GPAT2: variants seen among roughly 807,000 people sequenced by gnomAD.
GPAT2 encodes the protein glycerol-3-phosphate acyltransferase 2, mitochondrial.
A neutral mutation model predicts 71.0 loss-of-function variants in GPAT2; 51 were observed. The observed-to-expected ratio is 0.72, with a 90% CI of 0.57 to 0.91. GPAT2 has a LOEUF of 0.91. Among genes scored for constraint, GPAT2 ranks in the 40% least tolerant of loss-of-function variants. The probability of loss-of-function intolerance (pLI) is 0.00; values close to 1 mark genes in which losing one functional copy is unlikely to be tolerated. For missense variants in GPAT2, 511 were observed against 666.0 expected (o/e 0.77, Z 2.56); for synonymous variants, 222 against 290.3 (o/e 0.76, Z 2.39).
At chr2:96,024,962 G>T (rs1680232946) in intron 13 of GPAT2, 119 bp from the exon 14 acceptor site, 2 of 1,146,332 alleles carry the variant, frequency 1.7e-6, no homozygotes, top group Admixed American at 3.5e-5. Flanking sequence ...GATGAGGAAC[G>T]TACACCCGGA....
At position 96,032,068 on chromosome 2, in the gene GPAT2, C is replaced by T. The variant is rs200043110; in HGVS notation, c.142G>A (p.Gly48Ser). The part of the protein sequence containing the change: ...PFLGKYRPFV[G>S]RCCQTCTPKS... ...GGGGTGCAGGTCTGGCAACAGCGAC[C>T]CACAAAGGGGCGATACTTCCCCAGG... is the stretch of plus-strand genomic sequence containing the variant. The change falls in exon 3 of 22, where the codon GGT becomes AGT. Residue 48 changes from glycine (G) to serine (S), a missense_variant. Physicochemically the swap from Gly to Ser is moderately conservative, Grantham distance 56. Transcript: ENST00000434632. 1.6e-3 allele frequency: 2,516 copies of T among 1,541,954 alleles called. No individual in the cohort carries two copies. In the South Asian group the frequency reaches 0.026, roughly 16 times the overall value.
rs1680130569 is a variant in GPAT2, at chr2:96,024,460, G to T, written c.1654C>A (p.Leu552Met). ...LTHLAQLSAE[L>M]LPVFLSEAVG... ...GCCTCGCTCAGGAAGACGGGCAGCA[G>T]CTCAGCACTCAGTTGTGCCAGGTGT... The change falls in exon 15 of 22, where the codon CTG becomes ATG. Residue 552 changes from leucine to methionine, a missense_variant. Leu to Met is a conservative substitution (Grantham distance 15, BLOSUM62 2). This residue lies in a region of GPAT2 where 295 missense variants were observed against 305.5 expected (regional missense o/e 0.97). Coordinates refer to ENST00000434632, the MANE Select transcript of GPAT2 (RefSeq NM_001321527.2). 1.9e-6 allele frequency: 3 copies of T among 1,613,864 alleles called. No homozygotes were observed. Among genetic ancestry groups the T allele is most frequent in the Non-Finnish European group, 2.5e-6 (3 of 1,179,958 alleles).
chr2:96,024,706 T>C (rs760265461), intron 14 of GPAT2, 21 bp from the exon 15 acceptor site: 2 of 1,613,578 alleles, frequency 1.2e-6, no homozygotes, highest in South Asian at 1.1e-5. Context: ...AGAGCAGGGC[T>C]AGGCAGCAGG....
At position 96,025,429 on chromosome 2, in the gene GPAT2, G is replaced by T; in HGVS notation, c.1357+56C>A. The T allele has an allele frequency of 3.9e-6, 6 of 1,549,426 alleles. No homozygotes were observed. The South Asian group carries it at 7.3e-5, about 19-fold the overall frequency. ...AGAACCCTGGTGACTGGCTGACCCC[G>T]AGAGGGGACGGTTCAGTGACCCACC... On this transcript the variant is annotated intron_variant, in intron 13 of 21. Coordinates refer to ENST00000434632, the MANE Select transcript of GPAT2 (RefSeq NM_001321527.2).
intron 17 of GPAT2, 112 bp downstream of exon 17, chr2:96,023,811 C>T: frequency 6.7e-7 from 1 of 1,495,790 alleles, no homozygotes; most frequent in East Asian, 2.5e-5. Context: ...GCTGCCCACC[C>T]CCACAGCACA....
At chr2:96,025,297 T>A in intron 13 of GPAT2, 188 bp downstream of exon 13, 1 of 778,442 alleles carries the variant, frequency 1.3e-6, no homozygotes, top group Non-Finnish European at 2.0e-6. Context: ...AGCTGCTCCC[T>A]TATGATGGCC....
chr2:96,025,691 G>A, intron 12 of GPAT2, 88 bp from the exon 13 acceptor site: 6 of 1,404,182 alleles, frequency 4.3e-6, no homozygotes, highest in Non-Finnish European at 5.8e-6. Flanking sequence ...AGGTGAGGGT[G>A]TTTCCCCCTC....
rs747008111 is a variant in GPAT2 at position 96,022,217 on chromosome 2, G to A, written c.2348C>T (p.Ala783Val). The change falls in exon 22 of 22, where the codon GCC becomes GTC. Residue 783 changes from alanine (A) to valine (V), a missense_variant. Around this residue, in one of 7 missense-constraint regions of GPAT2, gnomAD observed 108 missense variants for 117.6 expected, o/e 0.92. Transcript: ENST00000434632. ...GPRLHLSPTF[A>V]SLDNQEKLEQ... ...TAGTTTTTCCTGATTGTCCAGGCTG[G>A]CAAAAGTAGGGGACAGGTGGAGCCT... The A allele has an allele frequency of 1.2e-6, 2 of 1,610,722 alleles. No homozygotes were observed. Among genetic ancestry groups the A allele is most frequent in the South Asian group, 2.2e-5 (2 of 90,598 alleles).
chr2:96,023,122 G>C lies in GPAT2; in HGVS notation c.2151C>G (p.Gly717=), dbSNP rs1334787483. ...FAQAAAFLRQ[G]QLPDTELGYT... is the part of the protein sequence containing the mutation. ...GGGCCTCACCAGTATCGGGCAGCTG[G>C]CCCTGGCGGAGGAAGGCGGCAGCCT... The change falls in exon 19 of 22, where the codon GGC becomes GGG. Residue 717 remains glycine, a synonymous_variant. Coordinates refer to ENST00000434632, the MANE Select transcript of GPAT2 (RefSeq NM_001321527.2). 1 of 1,611,042 alleles carries C rather than the reference G, an allele frequency of 6.2e-7. No homozygotes were observed. Among genetic ancestry groups the C allele is most frequent in the Admixed American group, 1.7e-5 (1 of 59,722 alleles).
intron 19 of GPAT2, 40 bp downstream of exon 19, chr2:96,023,066 A>G: frequency 6.2e-7 from 1 of 1,613,984 alleles, no homozygotes; most frequent in Non-Finnish European, 8.5e-7. Flanking sequence ...CAGCACAGAC[A>G]CAGCCTGCCT....
At chr2:96,024,897 G>C in intron 13 of GPAT2, 54 bp from the exon 14 acceptor site, 10 of 1,590,136 alleles carry the variant, frequency 6.3e-6, no homozygotes, top group Non-Finnish European at 8.6e-6. Flanking sequence ...CAGCAGCCTG[G>C]TCCCTCCATG....
At chr2:96,028,667 G>A (rs953273476) in intron 6 of GPAT2, among the ~76,000 whole-genome samples, 2 of 136,938 alleles carry the variant, frequency 1.5e-5, no homozygotes, top group African/African-American at 5.6e-5. Context: ...TGCCTCCTGG[G>A]CTCAAGCGAT....
intron 1 of GPAT2, among the ~76,000 whole-genome samples, chr2:96,033,970 T>TAC (rs1176922179): frequency 5.3e-5 from 8 of 151,274 alleles, no homozygotes; most frequent in African/African-American, 1.7e-4. Context: ...CACATATATA[T>TAC]ACACACACAT....
intron 17 of GPAT2, 182 bp downstream of exon 17, chr2:96,023,741 T>C (rs879114406): frequency 1.5e-5 from 18 of 1,205,612 alleles, no homozygotes; most frequent in East Asian, 5.1e-5. Context: ...CATAGGTGGC[T>C]ATATCCCAAG....
chr2:96,034,062 C>T (rs1164964207), intron 1 of GPAT2, among the ~76,000 whole-genome samples: 13 of 150,572 alleles, frequency 8.6e-5, no homozygotes, highest in Non-Finnish European at 1.9e-4. Context: ...TATACACACA[C>T]ATATATACAT....
At position 96,032,129 on chromosome 2, in the gene GPAT2, T is replaced by A. The variant is rs1267698385; in HGVS notation, c.81A>T (p.Ser27=). ...CAGCCTCCAGCTTCATCCCAAAGCC[T>A]GACGACCACAGGCTAGCCTGGAAAG... The part of the protein sequence containing the change: ...PSGREASLWS[S]GFGMKLEAVT... The change falls in exon 3 of 22, where the codon TCA becomes TCT. Residue 27 remains serine (S), a synonymous_variant. Transcript: ENST00000434632. The A allele has an allele frequency of 6.5e-7, 1 of 1,540,680 alleles. No individual in the cohort carries two copies. The highest frequency in any genetic ancestry group is 8.9e-7 in the Non-Finnish European group (1 of 1,126,090).
At chr2:96,025,409 C>A (rs1354355758) in intron 13 of GPAT2, 76 bp downstream of exon 13, 22 of 1,513,454 alleles carry the variant, frequency 1.5e-5, no homozygotes, top group Admixed American at 2.3e-5. Flanking sequence ...AATGGAGAAC[C>A]CTGGTGACTG....
In GPAT2 at chr2:96,022,725, T is replaced by G. The variant is rs1679824079; in HGVS notation, c.2234-2A>C. On this transcript the variant is annotated splice_acceptor_variant, in intron 20 of 21. Coordinates refer to ENST00000434632, the MANE Select transcript of GPAT2 (RefSeq NM_001321527.2). LOFTEE classifies it high-confidence loss of function. ...TGGCGAGCTTTGGGTCCGCACACTC[T>G]GGAAAGAAGAGAGAAGTGAAGGCTC... The G allele has an allele frequency of 6.2e-7, 1 of 1,613,860 alleles. No individual in the cohort carries two copies. The highest frequency in any genetic ancestry group is 8.5e-7 in the Non-Finnish European group (1 of 1,179,838).
In GPAT2 at chr2:96,026,273, A is replaced by C; in HGVS notation, c.1065T>G (p.Ala355=). 1 of 1,596,622 alleles carries C rather than the reference A, an allele frequency of 6.3e-7. No individual in the cohort carries two copies. The highest frequency in any genetic ancestry group is 8.5e-7 in the Non-Finnish European group (1 of 1,173,034). The part of the protein sequence containing the change: ...ASAPLGLWTG[A]LAVLRSLWSR... ...TCCACAAGCTACGTAGGACAGCCAG[A>C]GCTCCTGTCCACAGCCCCAGGGGGG... The change falls in exon 11 of 22, where the codon GCT becomes GCG. Residue 355 remains alanine (A), a synonymous_variant. Coordinates refer to ENST00000434632, the MANE Select transcript of GPAT2 (RefSeq NM_001321527.2).
Sources: allele counts gnomAD v4.1 joint callset (sites outside exome capture counted in the v4.1 genomes callset), GRCh38; gene constraint gnomAD v4.1.1; regional missense constraint gnomAD v4.1.1; transcripts MANE v1.5; gene names NCBI Gene and HGNC (gene_info 2026-07-23, HGNC 2026-07-21).